UBE2B: variants seen among roughly 807,000 people sequenced by gnomAD.
UBE2B encodes ubiquitin conjugating enzyme E2 B.
UBE2B carries 11 observed loss-of-function variants against 24.6 expected under a neutral mutation model. The observed-to-expected ratio is 0.45, with a 90% CI of 0.28 to 0.74. The LOEUF (loss-of-function observed/expected upper bound fraction) is 0.74. Among genes scored for constraint, UBE2B ranks in the 30% least tolerant of loss-of-function variants. UBE2B has a pLI of 0.13. For synonymous variants in UBE2B, 68 were observed against 62.4 expected (o/e 1.09, Z -0.42); for missense variants, 78 against 185.6 (o/e 0.42, Z 3.37).
chr5:134,383,720 C>T (rs1005649238), intron 4 of UBE2B, among the ~76,000 whole-genome samples: 1 of 152,034 alleles, frequency 6.6e-6, no homozygotes, highest in Non-Finnish European at 1.5e-5. Flanking sequence ...CTTGGCCTCC[C>T]AAATGTTGGG....
intron 4 of UBE2B, among the ~76,000 whole-genome samples, chr5:134,385,795 C>T (rs1758788955): frequency 6.6e-6 from 1 of 151,770 alleles, no homozygotes; most frequent in African/African-American, 2.4e-5. Context: ...AGGTGGATCA[C>T]GAGGTCAGGA....
At chr5:134,388,447 A>G (rs762698744) in intron 5 of UBE2B, 34 bp downstream of exon 5, 4 of 1,585,858 alleles carry the variant, frequency 2.5e-6, no homozygotes, top group Non-Finnish European at 3.5e-6. Flanking sequence ...ATAATTTGTC[A>G]GTATTCTGTA....
intron 4 of UBE2B, among the ~76,000 whole-genome samples, chr5:134,383,775 T>C (rs1016149459): frequency 1.3e-5 from 2 of 152,140 alleles, no homozygotes; most frequent in African/African-American, 4.8e-5. Context: ...ATAAATCTTT[T>C]CAGATACTAA....
chr5:134,380,584 T>C (rs545539667), intron 3 of UBE2B, 135 bp from the exon 4 acceptor site: 2 of 616,684 alleles, frequency 3.2e-6, no homozygotes, highest in South Asian at 3.6e-5. Flanking sequence ...ATATTTAGGA[T>C]GTTTTGTATG....
At chr5:134,381,760 A>G (rs946866403) in intron 4 of UBE2B, among the ~76,000 whole-genome samples, 1 of 152,170 alleles carries the variant, frequency 6.6e-6, no homozygotes, top group Non-Finnish European at 1.5e-5. Flanking sequence ...CCCGGCCAAC[A>G]TGGTGAAACC....
At position 134,376,653 on chromosome 5, in the gene UBE2B, A is replaced by G; in HGVS notation, c.126-16A>G. On this transcript the variant is annotated splice_polypyrimidine_tract_variant and intron_variant, in intron 2 of 5. Transcript: ENST00000265339. The stretch of plus-strand genomic sequence containing the variant: ...AATGAGAAACTTCTTTTAATCAGAA[A>G]TCTTCTTGTTTTCAGACCAGAAGGG... 6.2e-7 allele frequency: 1 copy of G among 1,611,414 alleles called. No homozygotes were observed. The highest frequency in any genetic ancestry group is 8.5e-7 in the Non-Finnish European group (1 of 1,179,052).
intron 4 of UBE2B, among the ~76,000 whole-genome samples, chr5:134,385,368 A>C (rs1758782801): frequency 6.6e-6 from 1 of 152,174 alleles, no homozygotes; most frequent in African/African-American, 2.4e-5. Context: ...AAAGGGTAAG[A>C]AGGAAAAGGG....
At chr5:134,374,646 A>C in intron 2 of UBE2B, 183 bp downstream of exon 2, 43 of 632,342 alleles carry the variant, frequency 6.8e-5, no homozygotes, top group Non-Finnish European at 8.0e-5. Context: ...GTAGTAGCTC[A>C]ACGCCTGGGA....
chr5:134,376,756 A>G, intron 3 of UBE2B, 62 bp downstream of exon 3: 1 of 1,495,608 alleles, frequency 6.7e-7, no homozygotes, highest in South Asian at 1.3e-5. Context: ...AGAAAATTGT[A>G]ACACCAACAT....
chr5:134,385,017 A>G (rs1159142437), intron 4 of UBE2B, among the ~76,000 whole-genome samples: 2 of 152,268 alleles, frequency 1.3e-5, no homozygotes, highest in Non-Finnish European at 2.9e-5. Context: ...ATGTTGTGAT[A>G]TAATAGTATC....
At chr5:134,372,106 C>T (rs1012126602) in intron 1 of UBE2B, among the ~76,000 whole-genome samples, 1 of 152,240 alleles carries the variant, frequency 6.6e-6, no homozygotes, top group Non-Finnish European at 1.5e-5. Context: ...CTCCCGACTC[C>T]TGCCAATCCT....
At chr5:134,380,153 C>T (rs573408269) in intron 3 of UBE2B, among the ~76,000 whole-genome samples, 3 of 152,282 alleles carry the variant, frequency 2.0e-5, no homozygotes, top group South Asian at 2.1e-4. Flanking sequence ...TCAGGTGATC[C>T]GCCCACCTTA....
At chr5:134,389,653 A>G (rs1327418291) in intron 5 of UBE2B, among the ~76,000 whole-genome samples, 2 of 151,520 alleles carry the variant, frequency 1.3e-5, no homozygotes, top group Admixed American at 6.6e-5. Context: ...GGTTCAAGCA[A>G]TTCTCCTGCC....
At chr5:134,389,848 CTT>C (rs779051846) in intron 5 of UBE2B, 20 of 277,174 alleles carry the variant, frequency 7.2e-5, no homozygotes, top group Non-Finnish European at 1.2e-4. Context: ...CACCCGACCT[CTT>C]TTTCTTTTTT....
chr5:134,371,637 G>A lies in UBE2B; in HGVS notation c.42G>A (p.Lys14=), dbSNP rs1561676187. 2 of 1,613,310 alleles carry A rather than the reference G, an allele frequency of 1.2e-6. No homozygotes were observed. Among genetic ancestry groups the A allele is most frequent in the Non-Finnish European group, 1.7e-6 (2 of 1,179,876 alleles). ...PARRRLMRDF[K]RLQEDPPVGV... is the part of the protein sequence containing the mutation. The stretch of plus-strand genomic sequence containing the variant: ...GGAGGAGGCTCATGCGGGATTTCAA[G>A]CGGTAAGGGCCTTCACCTTCGCCTA... Residue 14 remains lysine, a splice_region_variant and synonymous_variant, in exon 1 of 6, where the codon AAG becomes AAA. Transcript: ENST00000265339.
At chr5:134,376,831 T>C in intron 3 of UBE2B, 137 bp downstream of exon 3, 1 of 784,194 alleles carries the variant, frequency 1.3e-6, no homozygotes, top group Non-Finnish European at 2.0e-6. Context: ...GGAAAATTTA[T>C]ACTTCATAAG....
Position 134,390,475 on chromosome 5 carries a change from T to G in UBE2B, c.*122T>G, listed in dbSNP as rs946327683. 8.0e-7 allele frequency: 1 copy of G among 1,257,836 alleles called. No individual in the cohort carries two copies. Among genetic ancestry groups the G allele is most frequent in the South Asian group, 1.3e-5 (1 of 74,362 alleles). The allele number at this position is 1,257,836 out of a possible 1,614,324, so 77.9% of individuals were successfully genotyped here. On this transcript the variant is annotated 3_prime_UTR_variant, in exon 6 of 6. Coordinates refer to ENST00000265339, the MANE Select transcript of UBE2B (RefSeq NM_003337.4). The surrounding 1 kb of genome is among the most constrained non-coding windows in gnomAD (Gnocchi z 4.6). ...ATTCTGCAGAAAAAAAAGAAAAAAG[T>G]CCTTCAGTTTAGAACCTACAAAAGC...
chr5:134,374,324 C>T (rs567521806), intron 1 of UBE2B, 59 bp from the exon 2 acceptor site: 17 of 1,477,450 alleles, frequency 1.2e-5, no homozygotes, highest in Non-Finnish European at 1.5e-5. Context: ...TAGGTGTTTA[C>T]GTGGCCTCCT....
chr5:134,373,187 CTAAT>C (rs927719180), intron 1 of UBE2B, among the ~76,000 whole-genome samples: 10 of 152,294 alleles, frequency 6.6e-5, no homozygotes, highest in African/African-American at 2.2e-4. Flanking sequence ...AGAAAACCTA[CTAAT>C]TACTTTTTAA....
Sources: allele counts gnomAD v4.1 joint callset (sites outside exome capture counted in the v4.1 genomes callset), GRCh38; gene constraint gnomAD v4.1.1; non-coding constraint Gnocchi (gnomAD v3.1); transcripts MANE v1.5; gene names NCBI Gene and HGNC (gene_info 2026-07-23, HGNC 2026-07-21).